AMPH: variants seen among roughly 807,000 people sequenced by gnomAD.
AMPH encodes the protein amphiphysin (Stiff-Mann syndrome with breast cancer 128kD autoantigen).
A neutral mutation model predicts 99.1 loss-of-function variants in AMPH; 49 were observed. That is an observed-to-expected ratio of 0.49 (90% CI 0.39 to 0.63). The LOEUF (loss-of-function observed/expected upper bound fraction) is 0.63, where lower values mean the gene tolerates loss of function less well. Among genes scored for constraint, AMPH ranks in the 20% least tolerant of loss-of-function variants. AMPH has a pLI of 0.00. For synonymous variants in AMPH, 314 were observed against 317.3 expected (o/e 0.99, Z 0.11); for missense variants, 759 against 863.4 (o/e 0.88, Z 1.52).
chr7:38,478,580 A>G (rs1180570303), intron 5 of AMPH, among the ~76,000 whole-genome samples: 11 of 152,154 alleles, frequency 7.2e-5, no homozygotes. Context: ...CACAAAAACA[A>G]AAAAACAACA....
At chr7:38,529,468 G>T (rs1790313500) in intron 2 of AMPH, among the ~76,000 whole-genome samples, 1 of 152,222 alleles carries the variant, frequency 6.6e-6, no homozygotes, top group Non-Finnish European at 1.5e-5. Context: ...TGAAGGCATT[G>T]GTACAGCACA....
In AMPH at chr7:38,422,490, G is replaced by A. The variant is rs1315835653; in HGVS notation, c.1216-13C>T. On this transcript the variant is annotated splice_polypyrimidine_tract_variant and intron_variant, in intron 15 of 20. Transcript: ENST00000356264. ...AAGTATCCTGGGGCTGAAAATCAAG[G>A]ATAAAAATAGAAGATGTTTTTTAAA... The A allele has an allele frequency of 1.2e-6, 2 of 1,605,662 alleles. No homozygotes were observed. The highest frequency in any genetic ancestry group is 2.2e-5 in the East Asian group (1 of 44,750).
At chr7:38,412,730 T>C (rs542234888) in intron 17 of AMPH, among the ~76,000 whole-genome samples, 30 of 152,316 alleles carry the variant, frequency 2.0e-4, no homozygotes, top group African/African-American at 7.0e-4. Flanking sequence ...TGTTTGTAGA[T>C]CATCTGCCCT....
At chr7:38,422,234 T>A (rs977491974) in intron 16 of AMPH, among the ~76,000 whole-genome samples, 187 bp downstream of exon 16, 1 of 152,224 alleles carries the variant, frequency 6.6e-6, no homozygotes, top group Non-Finnish European at 1.5e-5. Context: ...CCTGTGTGAA[T>A]AGAAATAACC....
intron 3 of AMPH, among the ~76,000 whole-genome samples, chr7:38,502,349 A>C (rs959332724): frequency 3.3e-5 from 5 of 152,170 alleles, no homozygotes; most frequent in African/African-American, 1.2e-4. Context: ...CACACCTGAC[A>C]GTGATAACTT....
At chr7:38,558,704 C>T (rs1360398633) in intron 1 of AMPH, among the ~76,000 whole-genome samples, 1 of 152,064 alleles carries the variant, frequency 6.6e-6, no homozygotes, top group African/African-American at 2.4e-5. Context: ...TTTCCTATCT[C>T]GAAGAAAGTT....
chr7:38,460,282 A>G (rs149659227), intron 11 of AMPH, among the ~76,000 whole-genome samples: 1 of 152,146 alleles, frequency 6.6e-6, no homozygotes, highest in Non-Finnish European at 1.5e-5. Context: ...CAGTAGGGAG[A>G]TTCCTCAAAA....
At chr7:38,593,287 G>A (rs1341694469) in intron 1 of AMPH, among the ~76,000 whole-genome samples, 1 of 152,096 alleles carries the variant, frequency 6.6e-6, no homozygotes, top group Non-Finnish European at 1.5e-5. Flanking sequence ...TTTCAGTGTA[G>A]AATCATTTCT....
At chr7:38,556,184 G>T (rs755083309) in intron 1 of AMPH, among the ~76,000 whole-genome samples, 16 of 152,050 alleles carry the variant, frequency 1.1e-4, no homozygotes, top group Non-Finnish European at 2.1e-4. Flanking sequence ...AAAAGAAAAA[G>T]AAAGCTATTC....
intron 5 of AMPH, among the ~76,000 whole-genome samples, chr7:38,480,733 T>G (rs760460553): frequency 6.6e-6 from 1 of 152,184 alleles, no homozygotes; most frequent in Non-Finnish European, 1.5e-5. Flanking sequence ...GAACACCATG[T>G]GCCTATAAGG....
chr7:38,432,935 G>A (rs118047826), intron 12 of AMPH, among the ~76,000 whole-genome samples: 296 of 152,264 alleles, frequency 1.9e-3, no homozygotes, highest in Middle Eastern at 3.4e-3. Flanking sequence ...AGGCCAGATG[G>A]TTCAAATGGC....
chr7:38,456,426 C>T (rs1278766141), intron 11 of AMPH, among the ~76,000 whole-genome samples: 1 of 152,212 alleles, frequency 6.6e-6, no homozygotes, highest in Non-Finnish European at 1.5e-5. Context: ...TTGGATCAAT[C>T]TTGTCACCCC....
chr7:38,446,015 C>T (rs1164987227), intron 11 of AMPH, among the ~76,000 whole-genome samples: 9 of 152,172 alleles, frequency 5.9e-5, no homozygotes, highest in Non-Finnish European at 8.8e-5. Flanking sequence ...AATAAAAGCT[C>T]GCTGAGGCCT....
At chr7:38,529,808 T>C (rs1411001579) in intron 2 of AMPH, among the ~76,000 whole-genome samples, 3 of 152,328 alleles carry the variant, frequency 2.0e-5, no homozygotes, top group Non-Finnish European at 2.9e-5. Flanking sequence ...CAAAAACAAA[T>C]GTTCTAAGGT....
intron 7 of AMPH, among the ~76,000 whole-genome samples, chr7:38,468,815 T>C (rs1333345717): frequency 6.6e-6 from 1 of 152,180 alleles, no homozygotes; most frequent in Non-Finnish European, 1.5e-5. Context: ...TAAGAGCATA[T>C]TCCGATGTGA....
intron 11 of AMPH, among the ~76,000 whole-genome samples, chr7:38,442,961 T>C (rs1223423898): frequency 6.6e-6 from 1 of 152,048 alleles, no homozygotes; most frequent in Non-Finnish European, 1.5e-5. Flanking sequence ...TTAATCAACA[T>C]TTAGCCAGTC....
chr7:38,418,798 A>G (rs1785485247), intron 16 of AMPH, among the ~76,000 whole-genome samples: 1 of 152,156 alleles, frequency 6.6e-6, no homozygotes, highest in Admixed American at 6.5e-5. Flanking sequence ...TGTCCCAACA[A>G]GACATATAAA....
At chr7:38,517,373 G>T (rs1789788951) in intron 2 of AMPH, among the ~76,000 whole-genome samples, 1 of 152,202 alleles carries the variant, frequency 6.6e-6, no homozygotes, top group Non-Finnish European at 1.5e-5. Flanking sequence ...AGATCTGGCT[G>T]TTTAAAAGTA....
At chr7:38,408,022 A>C (rs2128983436) in intron 17 of AMPH, among the ~76,000 whole-genome samples, 1 of 152,330 alleles carries the variant, frequency 6.6e-6, no homozygotes, top group East Asian at 1.9e-4. Context: ...TTCTTCCAAC[A>C]ACCCTATTAA....
Sources: gnomAD v4.1 joint callset for allele counts (sites outside exome capture counted in the v4.1 genomes callset) on GRCh38, gnomAD v4.1.1 for gene constraint, MANE v1.5 for transcripts, NCBI Gene and HGNC (gene_info 2026-07-23, HGNC 2026-07-21) for gene names.